Variants in AGR2 observed in about 807,000 individuals in gnomAD.
The protein encoded by AGR2 is anterior gradient protein 2 homolog.
In AGR2, 27 loss-of-function variants were observed where a neutral mutation model predicts 25.9. The ratio of observed to expected loss-of-function variants is 1.04; its 90% CI spans 0.77 to 1.44. The LOEUF is 1.44. Ranked by LOEUF, AGR2 falls within the 40% of genes most tolerant of loss-of-function variation. The pLI, the probability that AGR2 is intolerant of heterozygous loss-of-function variation, is 0.00. For synonymous variants in AGR2, 78 were observed against 72.0 expected (o/e 1.08, Z -0.42); for missense variants, 182 against 200.9 (o/e 0.91, Z 0.57).
chr7:16,797,325 C>T (rs369227784), intron 6 of AGR2, among the ~76,000 whole-genome samples: 24 of 152,158 alleles, frequency 1.6e-4, no homozygotes, highest in African/African-American at 2.2e-4. Flanking sequence ...GCAGGCCTCT[C>T]GTATTCAGGA....
intron 5 of AGR2, among the ~76,000 whole-genome samples, chr7:16,799,175 G>A (rs546264204): frequency 1.3e-5 from 2 of 152,236 alleles, no homozygotes; most frequent in African/African-American, 2.4e-5. Flanking sequence ...AAGCCAACCT[G>A]TGAAGAGGAA....
chr7:16,793,241 G>A (rs1351532461), intron 7 of AGR2, among the ~76,000 whole-genome samples: 1 of 152,048 alleles, frequency 6.6e-6, no homozygotes, highest in Non-Finnish European at 1.5e-5. Flanking sequence ...GAGAGATGGG[G>A]TTTTGGTATG....
intron 6 of AGR2, among the ~76,000 whole-genome samples, chr7:16,795,529 T>C (rs555449548): frequency 2.0e-5 from 3 of 152,332 alleles, no homozygotes; most frequent in Non-Finnish European, 4.4e-5. Flanking sequence ...GTACCTTCAC[T>C]ATATTTTACT....
In AGR2 at chr7:16,801,330, AT is replaced by A; in HGVS notation, c.192del (p.Lys64AsnfsTer9). On this transcript the variant is annotated frameshift_variant, in exon 3 of 8. Transcript: ENST00000419304. LOFTEE classifies it high-confidence loss of function. ...AATCCTGATCTTTACCTTGTCTTGG[AT>A]TTATATAGAGCTTCTTCATATGTCT... is the stretch of plus-strand genomic sequence containing the variant. ...WTQTYEEALYKSKTSNKPLMI... is the reference protein window; with the variant it reads ...WTQTYEEALYXSKTSNKPLMI... 1 of 1,613,670 alleles carries A rather than the reference AT, an allele frequency of 6.2e-7. No individual in the cohort carries two copies. Among genetic ancestry groups the A allele is most frequent in the Non-Finnish European group, 8.5e-7 (1 of 1,179,800 alleles).
chr7:16,799,690 A>G (rs1785109178), intron 5 of AGR2, 54 bp downstream of exon 5: 3 of 1,326,818 alleles, frequency 2.3e-6, no homozygotes, highest in South Asian at 1.2e-5. Context: ...TGAATCATCC[A>G]TTTCAAGTAA....
intron 4 of AGR2, among the ~76,000 whole-genome samples, chr7:16,800,029 A>G (rs1023638868): frequency 2.7e-5 from 4 of 150,840 alleles, no homozygotes; most frequent in South Asian, 2.1e-4. Context: ...TCATTCATCA[A>G]TTCATTTTTT....
intron 4 of AGR2, among the ~76,000 whole-genome samples, chr7:16,800,425 A>G (rs1206344003): frequency 6.6e-6 from 1 of 152,190 alleles, no homozygotes; most frequent in Non-Finnish European, 1.5e-5. Flanking sequence ...GAGAGTGAAG[A>G]AAGCAAGAGG....
At chr7:16,803,834 A>G (rs1785188045) in intron 1 of AGR2, among the ~76,000 whole-genome samples, 2 of 152,208 alleles carry the variant, frequency 1.3e-5, no homozygotes, top group Admixed American at 1.3e-4. Flanking sequence ...TACATTTGGA[A>G]TACTGGCTGG....
In AGR2 at chr7:16,792,574, C is replaced by T. The variant is rs902674660; in HGVS notation, c.*334G>A. 1.1e-5 allele frequency: 3 copies of T among 263,484 alleles called. No individual in the cohort carries two copies. Among genetic ancestry groups the T allele is most frequent in the Admixed American group, 5.1e-5 (1 of 19,628 alleles). 16.3% of individuals were successfully genotyped at this position (263,484 alleles called of 1,614,324 possible). ...TGAACTAGTTTTGGTTTTGTCTTGT[C>T]CCTTCCTTGAGCATTTTGTGTGTGT... On this transcript the variant is annotated 3_prime_UTR_variant, in exon 8 of 8. Coordinates refer to ENST00000419304, the MANE Select transcript of AGR2 (RefSeq NM_006408.4).
At chr7:16,797,578 G>A in intron 6 of AGR2, 53 bp downstream of exon 6, 1 of 1,524,940 alleles carries the variant, frequency 6.6e-7, no homozygotes. Flanking sequence ...AGAGAAGGAG[G>A]ATGGCAGCAC....
intron 7 of AGR2, among the ~76,000 whole-genome samples, chr7:16,794,179 C>T (rs2115351113): frequency 6.6e-6 from 1 of 152,296 alleles, no homozygotes; most frequent in South Asian, 2.1e-4. Flanking sequence ...TGGAAATGTT[C>T]AGTGTCCGGG....
chr7:16,795,530 A>G (rs1785031939), intron 6 of AGR2, among the ~76,000 whole-genome samples: 1 of 152,188 alleles, frequency 6.6e-6, no homozygotes, highest in Non-Finnish European at 1.5e-5. Flanking sequence ...TACCTTCACT[A>G]TATTTTACTT....
rs537161980 is a variant in AGR2, at chr7:16,791,921, G to C, written c.*987C>G. 1 of 152,240 alleles carries C rather than the reference G, an allele frequency of 6.6e-6. No homozygotes were observed. Among genetic ancestry groups the C allele is most frequent in the Non-Finnish European group, 1.5e-5 (1 of 68,092 alleles). 9.4% of individuals were successfully genotyped at this position (152,240 alleles called of 1,614,324 possible). Reference sequence around the variant, plus strand: ...GGGGCCAAAGAAATCAGGAGGGGCTGGGCAGTAGAGGAATTCCATATATTA... The same window carrying C: ...GGGGCCAAAGAAATCAGGAGGGGCTCGGCAGTAGAGGAATTCCATATATTA... On this transcript the variant is annotated 3_prime_UTR_variant, in exon 8 of 8. Transcript: ENST00000419304.
intron 5 of AGR2, among the ~76,000 whole-genome samples, chr7:16,799,290 C>T (rs902158924): frequency 2.0e-5 from 3 of 152,008 alleles, no homozygotes; most frequent in African/African-American, 7.3e-5. Flanking sequence ...AAGAACTTGC[C>T]GAGACAGAAA....
Position 16,792,184 on chromosome 7 carries a change from C to T in AGR2, c.*724G>A, listed in dbSNP as rs188235473. On this transcript the variant is annotated 3_prime_UTR_variant, in exon 8 of 8. Coordinates refer to ENST00000419304, the MANE Select transcript of AGR2 (RefSeq NM_006408.4). Reference sequence around the variant, plus strand: ...AGGACCTTGACAGACAAATCGATTACAAGGTCAATTCCCAGGATTTCTTCA... The same window carrying T: ...AGGACCTTGACAGACAAATCGATTATAAGGTCAATTCCCAGGATTTCTTCA... 3 of 152,326 alleles carry T rather than the reference C, an allele frequency of 2.0e-5. No homozygotes were observed. The highest frequency in any genetic ancestry group is 2.0e-4 in the Admixed American group (3 of 15,300). 9.4% of individuals were successfully genotyped at this position (152,326 alleles called of 1,614,324 possible).
At chr7:16,793,237 T>TG (rs1583803749) in intron 7 of AGR2, among the ~76,000 whole-genome samples, 2 of 151,954 alleles carry the variant, frequency 1.3e-5, no homozygotes, top group African/African-American at 2.4e-5. Flanking sequence ...TTGGGAGAGA[T>TG]GGGGTTTTGG....
rs1368754153 is a variant in AGR2, at chr7:16,797,075, C to T, written c.394+556G>A. ...TAGCTGGGATTACAGGCTCCTGCAA[C>T]CACGCCTGGCTAATTTTTTTTTTGT... is the stretch of plus-strand genomic sequence containing the variant. On this transcript the variant is annotated intron_variant, in intron 6 of 7. Transcript: ENST00000419304. Among the ~76,000 whole-genome samples the T allele has an allele frequency of 5.7e-5, 8 of 140,268 alleles. No homozygotes were observed. In the Admixed American group the frequency reaches 5.8e-4, roughly 10 times the overall value. 92.0% of individuals were successfully genotyped at this position (140,268 alleles called of 152,430 possible).
chr7:16,798,265 A>G (rs947644822), intron 5 of AGR2, among the ~76,000 whole-genome samples: 1 of 152,214 alleles, frequency 6.6e-6, no homozygotes, highest in Non-Finnish European at 1.5e-5. Context: ...CACCCCGACT[A>G]GGACTTTCTG....
At chr7:16,801,057 A>T (rs1169982019) in intron 4 of AGR2, 94 bp downstream of exon 4, 3 of 898,242 alleles carry the variant, frequency 3.3e-6, no homozygotes, top group African/African-American at 3.4e-5. Context: ...CTTTAATGCA[A>T]CTGTGGTTCT....
Sources: allele counts gnomAD v4.1 joint callset (sites outside exome capture counted in the v4.1 genomes callset), GRCh38; gene constraint gnomAD v4.1.1; transcripts MANE v1.5; gene names NCBI Gene and HGNC (gene_info 2026-07-23, HGNC 2026-07-21).